The following SSR1 variants were observed in gnomAD, a reference collection of about 807,000 sequenced individuals.
SSR1 encodes signal sequence receptor subunit 1.
SSR1 carries 13 observed loss-of-function variants against 36.1 expected under a neutral mutation model. The ratio of observed to expected loss-of-function variants is 0.36; its 90% CI spans 0.23 to 0.57. SSR1 has a LOEUF of 0.57. Ranked by LOEUF, SSR1 falls within the 20% of genes least tolerant of loss-of-function variation. The pLI, the probability that SSR1 is intolerant of heterozygous loss-of-function variation, is 0.81. For synonymous variants in SSR1, 113 were observed against 118.9 expected (o/e 0.95, Z 0.32); for missense variants, 291 against 338.5 (o/e 0.86, Z 1.10).
rs1757414980 is a variant in SSR1 at position 7,281,327 on chromosome 6, G to A, written c.*8537C>T. The A allele has an allele frequency of 6.7e-6, 1 of 149,722 alleles. No homozygotes were observed. Among genetic ancestry groups the A allele is most frequent in the African/African-American group, 2.4e-5 (1 of 41,390 alleles). The allele number at this position is 149,722 out of a possible 1,614,324, so 9.3% of individuals were successfully genotyped here. A position where few individuals can be genotyped will look rare whatever the true frequency, so the allele number is the denominator to read the frequency against. Reference sequence around the variant, plus strand: ...CCAAATAACAGAAATGTTTCTCAAAGCTGCACAAGAATTTTAAGGATTCAT... The same window carrying A: ...CCAAATAACAGAAATGTTTCTCAAAACTGCACAAGAATTTTAAGGATTCAT... On this transcript the variant is annotated 3_prime_UTR_variant, in exon 8 of 8. Coordinates refer to ENST00000244763, the MANE Select transcript of SSR1 (RefSeq NM_003144.5).
chr6:7,301,824 C>G (rs1388407161), intron 3 of SSR1, among the ~76,000 whole-genome samples: 1 of 152,176 alleles, frequency 6.6e-6, no homozygotes, highest in African/African-American at 2.4e-5. Context: ...GACCAGATCA[C>G]ATCCAAATCA....
intron 7 of SSR1, chr6:7,295,013 A>C: frequency 7.5e-7 from 1 of 1,335,884 alleles, no homozygotes; most frequent in Non-Finnish European, 9.9e-7. Context: ...ATTAAACTTG[A>C]CGTAAAATAT....
At chr6:7,305,567 G>C (rs1758036183) in intron 2 of SSR1, among the ~76,000 whole-genome samples, 1 of 152,214 alleles carries the variant, frequency 6.6e-6, no homozygotes, top group Admixed American at 6.5e-5. Context: ...TGGCTTAACA[G>C]AATCAAATCA....
In SSR1 at chr6:7,312,996, G is replaced by A. The variant is rs182772426; in HGVS notation, c.79+46C>T. On this transcript the variant is annotated intron_variant, in intron 1 of 7. Coordinates refer to ENST00000244763, the MANE Select transcript of SSR1 (RefSeq NM_003144.5). ...TCCAACTTCAAACTTGCCATCACTG[G>A]CATCTCCTTCCTGGCCATCCCCTCC... 7.4e-5 allele frequency: 114 copies of A among 1,549,766 alleles called. 1 individual carries two copies. The East Asian group carries it at 2.6e-3, about 36-fold the overall frequency.
chr6:7,313,158 G>A lies in SSR1; in HGVS notation c.-38C>T, dbSNP rs770607570. 5.1e-6 allele frequency: 8 copies of A among 1,554,910 alleles called. No homozygotes were observed. The highest frequency in any genetic ancestry group is 7.0e-6 in the Non-Finnish European group (8 of 1,146,902). The stretch of plus-strand genomic sequence containing the variant: ...CCAGTGTCCAGTTTCCGTCGGCTAA[G>A]GCTCTCGGCGGCTCCGGCGGTAATG... On this transcript the variant is annotated 5_prime_UTR_variant, in exon 1 of 8. Transcript: ENST00000244763.
At chr6:7,312,247 T>TA (rs1157601581) in intron 1 of SSR1, among the ~76,000 whole-genome samples, 1 of 152,246 alleles carries the variant, frequency 6.6e-6, no homozygotes, top group African/African-American at 2.4e-5. Context: ...ATTGCTGGGT[T>TA]AATTGTTGAA....
rs1289931033 is a variant in SSR1, at chr6:7,303,543, G to A, written c.280+7C>T. On this transcript the variant is annotated splice_region_variant and intron_variant, in intron 3 of 7. Transcript: ENST00000244763. ...CATCTGAATTAAAACTAATACTTCT[G>A]TATTACCTTCTCCTTTTACAAACAG... The A allele has an allele frequency of 1.3e-6, 2 of 1,598,302 alleles. No homozygotes were observed. Among genetic ancestry groups the A allele is most frequent in the African/African-American group, 1.3e-5 (1 of 74,248 alleles).
chr6:7,311,516 A>C (rs780636830), intron 1 of SSR1, among the ~76,000 whole-genome samples: 5 of 152,236 alleles, frequency 3.3e-5, no homozygotes, highest in Non-Finnish European at 5.9e-5. Flanking sequence ...TTATGAACTA[A>C]AGAGATTTCA....
chr6:7,309,630 G>A (rs529386888), intron 2 of SSR1, among the ~76,000 whole-genome samples: 11 of 152,322 alleles, frequency 7.2e-5, no homozygotes, highest in African/African-American at 2.2e-4. Flanking sequence ...TGCTGTTCTC[G>A]TGAAAGTGAG....
chr6:7,306,539 CA>C (rs1217759948), intron 2 of SSR1, among the ~76,000 whole-genome samples: 1 of 151,858 alleles, frequency 6.6e-6, no homozygotes, highest in Non-Finnish European at 1.5e-5. Context: ...ATGGGGAGGA[CA>C]AAAAAACCTT....
chr6:7,310,740 G>A (rs971389680), intron 1 of SSR1, among the ~76,000 whole-genome samples: 2 of 151,960 alleles, frequency 1.3e-5, no homozygotes, highest in Non-Finnish European at 2.9e-5. Context: ...GAGAAACCCC[G>A]CCTCTACTGA....
chr6:7,311,404 G>A (rs1289049939), intron 1 of SSR1, among the ~76,000 whole-genome samples: 3 of 152,230 alleles, frequency 2.0e-5, no homozygotes, highest in African/African-American at 7.2e-5. Context: ...TCACCCAGGA[G>A]AAACAGTTAA....
At position 7,289,351 on chromosome 6, in the gene SSR1, C is replaced by G. The variant is rs1757627469; in HGVS notation, c.*513G>C. The G allele has an allele frequency of 6.6e-6, 1 of 152,660 alleles. No individual in the cohort carries two copies. Among genetic ancestry groups the G allele is most frequent in the Non-Finnish European group, 1.5e-5 (1 of 68,246 alleles). 9.5% of individuals were successfully genotyped at this position (152,660 alleles called of 1,614,324 possible). A position where few individuals can be genotyped will look rare whatever the true frequency, so the allele number is the denominator to read the frequency against. ...TTCTATTGCTAAAAAGCAGCTACTT[C>G]TGCTTCTGCCTTTAGAATACTAATT... On this transcript the variant is annotated 3_prime_UTR_variant, in exon 8 of 8. Transcript: ENST00000244763.
chr6:7,299,952 T>C (rs923371572), intron 4 of SSR1, among the ~76,000 whole-genome samples: 2 of 152,108 alleles, frequency 1.3e-5, no homozygotes, highest in African/African-American at 4.8e-5. Context: ...CATTCCTCTA[T>C]TGATAATTTC....
intron 1 of SSR1, among the ~76,000 whole-genome samples, chr6:7,312,111 GA>G (rs1267877468): frequency 6.6e-6 from 1 of 152,196 alleles, no homozygotes; most frequent in African/African-American, 2.4e-5. Flanking sequence ...CTTACAGAAT[GA>G]AAGGGATGCT....
At chr6:7,298,560 A>T (rs1376595676) in intron 5 of SSR1, 187 bp downstream of exon 5, 1 of 539,050 alleles carries the variant, frequency 1.9e-6, no homozygotes, top group East Asian at 2.9e-5. Flanking sequence ...AGTTTCAACT[A>T]TCTTTCCTAA....
At chr6:7,304,348 G>A (rs1758006019) in intron 2 of SSR1, among the ~76,000 whole-genome samples, 1 of 152,188 alleles carries the variant, frequency 6.6e-6, no homozygotes, top group South Asian at 2.1e-4. Context: ...GGGCTACTGT[G>A]TGAAAGCAGC....
At position 7,289,674 on chromosome 6, in the gene SSR1, A is replaced by C; in HGVS notation, c.*190T>G. The C allele has an allele frequency of 3.4e-6, 2 of 589,106 alleles. No homozygotes were observed. The highest frequency in any genetic ancestry group is 5.8e-6 in the Non-Finnish European group (2 of 347,654). The allele number at this position is 589,106 out of a possible 1,614,324, so 36.5% of individuals were successfully genotyped here. ...TTTTAATGGTTTAAAAAAAAACCAA[A>C]TTTGTTACTTTAGAAAAATGAATGC... On this transcript the variant is annotated 3_prime_UTR_variant, in exon 8 of 8. Transcript: ENST00000244763.
intron 4 of SSR1, among the ~76,000 whole-genome samples, chr6:7,300,655 T>G (rs376758559): frequency 1.7e-4 from 26 of 152,330 alleles, no homozygotes; most frequent in South Asian, 8.3e-4. Flanking sequence ...CTTTTATTCT[T>G]TTTTTGAGAT....
Sources: allele counts gnomAD v4.1 joint callset (sites outside exome capture counted in the v4.1 genomes callset), GRCh38; gene constraint gnomAD v4.1.1; transcripts MANE v1.5; gene names NCBI Gene and HGNC (gene_info 2026-07-23, HGNC 2026-07-21).